The following HBS1L variants were observed in gnomAD, a reference collection of about 807,000 sequenced individuals.
HBS1L encodes the protein HBS1 like translational GTPase.
A neutral mutation model predicts 88.9 loss-of-function variants in HBS1L; 55 were observed. That is an observed-to-expected ratio of 0.62 (90% CI 0.50 to 0.77). The LOEUF is 0.77. Ranked by LOEUF, HBS1L falls within the 30% of genes least tolerant of loss-of-function variation. HBS1L has a pLI of 0.00. For synonymous variants in HBS1L, 267 were observed against 288.5 expected, an observed-to-expected ratio of 0.93 and a Z score of 0.76; for missense variants, 741 against 829.3, an observed-to-expected ratio of 0.89 and a Z score of 1.31.
At chr6:135,011,278 G>A (rs1391841422) in intron 4 of HBS1L, among the ~76,000 whole-genome samples, 2 of 152,202 alleles carry the variant, frequency 1.3e-5, no homozygotes, top group Non-Finnish European at 2.9e-5. Flanking sequence ...ACTTTGGGAG[G>A]CCAAGGTGGG....
chr6:135,026,394 A>C (rs1427135442), intron 4 of HBS1L, among the ~76,000 whole-genome samples: 2 of 152,134 alleles, frequency 1.3e-5, no homozygotes, highest in African/African-American at 2.4e-5. Flanking sequence ...ACATGATAAA[A>C]ATAAACTATA....
At position 135,039,649 on chromosome 6, in the gene HBS1L, C is replaced by A; in HGVS notation, c.354G>T (p.Gly118=). 6.2e-7 allele frequency: 1 copy of A among 1,614,066 alleles called. No individual in the cohort carries two copies. The highest frequency in any genetic ancestry group is 1.1e-5 in the South Asian group (1 of 91,082). Residue 118 remains glycine, a synonymous_variant, in exon 4 of 18, where the codon GGG becomes GGT. Transcript: ENST00000367837. ...TCTGCACTCTATCTTGTTCCAGAAC[C>A]CCTGACAAAGCCTTCTGCACATCAA... ...NKFDVQKALS[G]VLEQDRVQSL...
chr6:134,985,816 G>A (rs558375140), intron 11 of HBS1L, among the ~76,000 whole-genome samples: 16 of 152,182 alleles, frequency 1.1e-4, no homozygotes, highest in African/African-American at 3.4e-4. Context: ...CTTATAAAAT[G>A]AATGTTAATC....
At chr6:135,041,399 C>T (rs1387355046) in intron 3 of HBS1L, among the ~76,000 whole-genome samples, 5 of 150,994 alleles carry the variant, frequency 3.3e-5, no homozygotes, top group African/African-American at 1.2e-4. Flanking sequence ...TTTATTTATA[C>T]TTATAAAAGA....
chr6:135,009,553 A>C (rs1775710745), intron 4 of HBS1L, among the ~76,000 whole-genome samples: 1 of 151,138 alleles, frequency 6.6e-6, no homozygotes, highest in African/African-American at 2.4e-5. Flanking sequence ...GGCTTTTTTC[A>C]AAAAAAAAGA....
At chr6:135,050,312 A>G (rs1213557502) in intron 2 of HBS1L, among the ~76,000 whole-genome samples, 2 of 152,250 alleles carry the variant, frequency 1.3e-5, no homozygotes, top group African/African-American at 4.8e-5. Context: ...TTACCATTTT[A>G]GTATATTTAG....
intron 3 of HBS1L, among the ~76,000 whole-genome samples, chr6:135,040,959 T>C (rs1489956890): frequency 2.0e-5 from 3 of 152,158 alleles, no homozygotes; most frequent in African/African-American, 4.8e-5. Flanking sequence ...GAGCTAGATA[T>C]ATCAAGCAAA....
Position 134,986,179 on chromosome 6 carries a change from C to T in HBS1L, c.1310G>A (p.Ser437Asn), listed in dbSNP as rs776324424. 2.1e-6 allele frequency: 3 copies of T among 1,440,110 alleles called. No individual in the cohort carries two copies. Among genetic ancestry groups the T allele is most frequent in the South Asian group, 1.2e-5 (1 of 85,320 alleles). The allele number at this position is 1,440,110 out of a possible 1,614,324, so 89.2% of individuals were successfully genotyped here. ...HFLKQAGFKESDVGFIPTSGL... is the reference protein window; with the variant it reads ...HFLKQAGFKENDVGFIPTSGL... ...ACTTGTAGGAATAAAACCTACATCA[C>T]TCTCCTATTAAAAAGATTGACTTAT... The change falls in exon 11 of 18, where the codon AGT becomes AAT. Residue 437 changes from serine to asparagine, a missense_variant. Physicochemically the swap from Ser to Asn is conservative, Grantham distance 46. Around this residue, in one of 3 missense-constraint regions of HBS1L, gnomAD observed 556 missense variants for 598.4 expected, o/e 0.93. Transcript: ENST00000367837.
At chr6:135,005,876 G>T (rs1238935724) in intron 4 of HBS1L, among the ~76,000 whole-genome samples, 1 of 152,174 alleles carries the variant, frequency 6.6e-6, no homozygotes, top group Non-Finnish European at 1.5e-5. Context: ...ACCTAGTTAT[G>T]CTCTGGAACC....
chr6:135,048,694 A>G (rs1776988148), intron 2 of HBS1L, among the ~76,000 whole-genome samples: 1 of 152,256 alleles, frequency 6.6e-6, no homozygotes, highest in Admixed American at 6.5e-5. Context: ...TATTTGTTCT[A>G]TAATACCTCA....
chr6:135,054,766 A>T lies in HBS1L; in HGVS notation c.-75T>A. On this transcript the variant is annotated 5_prime_UTR_variant, in exon 1 of 18. Coordinates refer to ENST00000367837, the MANE Select transcript of HBS1L (RefSeq NM_006620.4). ...TCCGCTTAGATACTGATAAGGCGCC[A>T]ACTGCAGCCTGGAGAACCCCTATGC... 1.3e-6 allele frequency: 2 copies of T among 1,568,846 alleles called. No individual in the cohort carries two copies. Among genetic ancestry groups the T allele is most frequent in the Admixed American group, 3.4e-5 (2 of 58,352 alleles).
rs1161181418 is a variant in HBS1L at position 134,966,423 on chromosome 6, G to T, written c.1949C>A (p.Pro650Gln). The part of the protein sequence containing the change: ...NALVELQTQR[P>Q]IALELYKDFK... ...GTCTTTATATAGCTCAAGAGCTATTGGTCTTTGTGTCTGTAGCTCTACCAA... is the reference window on the plus strand; with the variant it reads ...GTCTTTATATAGCTCAAGAGCTATTTGTCTTTGTGTCTGTAGCTCTACCAA... Residue 650 changes from proline (P) to glutamine (Q), a missense_variant, in exon 17 of 18, where the codon CCA (proline) becomes CAA (glutamine). Coordinates refer to ENST00000367837, the MANE Select transcript of HBS1L (RefSeq NM_006620.4). 6.2e-7 allele frequency: 1 copy of T among 1,611,440 alleles called. No homozygotes were observed. The highest frequency in any genetic ancestry group is 2.2e-5 in the East Asian group (1 of 44,812).
intron 3 of HBS1L, 129 bp downstream of exon 3, chr6:135,041,872 G>A (rs1053000802): frequency 1.1e-5 from 8 of 727,878 alleles, no homozygotes; most frequent in African/African-American, 1.8e-5. Flanking sequence ...AACTGTCCTT[G>A]AATATGAAAG....
intron 4 of HBS1L, among the ~76,000 whole-genome samples, chr6:135,035,236 G>T (rs1459783357): frequency 6.6e-6 from 1 of 151,782 alleles, no homozygotes; most frequent in South Asian, 2.1e-4. Context: ...TGGATCACAA[G>T]CTCAAGAGAT....
At chr6:135,027,711 T>C (rs1562305243) in intron 4 of HBS1L, among the ~76,000 whole-genome samples, 2 of 152,200 alleles carry the variant, frequency 1.3e-5, no homozygotes, top group Non-Finnish European at 2.9e-5. Context: ...CAAGTGCTAG[T>C]TCCATGAGTG....
chr6:135,029,820 T>C (rs544723013), intron 4 of HBS1L, among the ~76,000 whole-genome samples: 4 of 152,352 alleles, frequency 2.6e-5, no homozygotes, highest in Non-Finnish European at 1.5e-5. Context: ...GACATTGATC[T>C]GTATATGGCA....
intron 4 of HBS1L, among the ~76,000 whole-genome samples, chr6:135,033,681 TAGA>T (rs1390744716): frequency 1.3e-5 from 2 of 152,220 alleles, no homozygotes; most frequent in Non-Finnish European, 2.9e-5. Flanking sequence ...TAGTTCACCC[TAGA>T]AGGTCTACTA....
intron 4 of HBS1L, among the ~76,000 whole-genome samples, chr6:135,031,578 CG>C (rs1476921892): frequency 6.6e-6 from 1 of 151,614 alleles, no homozygotes; most frequent in Non-Finnish European, 1.5e-5. Context: ...ATAACAAAGA[CG>C]GGAAACAGAA....
chr6:134,996,708 C>G (rs1775297873), intron 7 of HBS1L, 69 bp downstream of exon 7: 2 of 1,063,768 alleles, frequency 1.9e-6, no homozygotes, highest in South Asian at 2.0e-5. Flanking sequence ...ACAAATTCAA[C>G]ACATATTACA....
Sources: gnomAD v4.1 joint callset for allele counts (sites outside exome capture counted in the v4.1 genomes callset) on GRCh38, gnomAD v4.1.1 for gene constraint, gnomAD v4.1.1 regional missense constraint, MANE v1.5 for transcripts, NCBI Gene and HGNC (gene_info 2026-07-23, HGNC 2026-07-21) for gene names.